FAR1: variants seen among roughly 807,000 people sequenced by gnomAD.
FAR1 encodes the protein fatty acyl-CoA reductase 1.
FAR1 carries 22 observed loss-of-function variants against 61.1 expected under a neutral mutation model. The ratio of observed to expected loss-of-function variants is 0.36; its 90% CI spans 0.26 to 0.51. The LOEUF (loss-of-function observed/expected upper bound fraction) is 0.51. Ranked by LOEUF, FAR1 falls within the 20% of genes least tolerant of loss-of-function variation. The probability of loss-of-function intolerance (pLI) is 0.95; values close to 1 mark genes in which losing one functional copy is unlikely to be tolerated. For missense variants in FAR1, 359 were observed against 626.9 expected (o/e 0.57, Z 4.56); for synonymous variants, 206 against 209.7 (o/e 0.98, Z 0.15).
At chr11:13,707,335 T>C (rs1477659269) in intron 3 of FAR1, among the ~76,000 whole-genome samples, 1 of 152,148 alleles carries the variant, frequency 6.6e-6, no homozygotes, top group Admixed American at 6.6e-5. Context: ...ATAATATCCC[T>C]TTGAATTTTG....
rs576072217 is a variant in FAR1, at chr11:13,715,373, G to A, written c.1127+693G>A. On this transcript the variant is annotated intron_variant, in intron 9 of 11. Transcript: ENST00000354817. ...TCCAAAATTCCATAATATAGGAAAT[G>A]TCCTACATCATGGTTGTCATTGTTA... 3.9e-5 allele frequency among the ~76,000 whole-genome samples: 6 copies of A among 152,238 alleles called. No homozygotes were observed. The East Asian group carries it at 9.7e-4, about 25-fold the overall frequency.
chr11:13,716,482 C>G (rs1000091819), intron 9 of FAR1, among the ~76,000 whole-genome samples: 3 of 152,124 alleles, frequency 2.0e-5, no homozygotes, highest in Non-Finnish European at 2.9e-5. Context: ...TGAAAGAGGC[C>G]GGTGGGCAGA....
chr11:13,700,588 A>C, intron 3 of FAR1, 96 bp downstream of exon 3: 1 of 725,826 alleles, frequency 1.4e-6, no homozygotes, highest in Non-Finnish European at 2.1e-6. Flanking sequence ...TTTGAATGTG[A>C]TTTGATACTA....
At chr11:13,726,692 T>A (rs1848669480) in intron 10 of FAR1, among the ~76,000 whole-genome samples, 1 of 151,786 alleles carries the variant, frequency 6.6e-6, no homozygotes, top group African/African-American at 2.4e-5. Flanking sequence ...TTGGAAAATT[T>A]CCAGGCATTG....
intron 1 of FAR1, among the ~76,000 whole-genome samples, chr11:13,689,816 G>A (rs1018066556): frequency 3.3e-5 from 5 of 151,760 alleles, no homozygotes; most frequent in Admixed American, 3.3e-4. Context: ...ATCACATAGG[G>A]GTTTTAACTT....
At chr11:13,708,871 T>A (rs1408902752) in intron 4 of FAR1, among the ~76,000 whole-genome samples, 3 of 152,176 alleles carry the variant, frequency 2.0e-5, no homozygotes, top group Non-Finnish European at 1.5e-5. Flanking sequence ...TGAGATCCTG[T>A]CAGCAATTGT....
intron 2 of FAR1, 62 bp downstream of exon 2, chr11:13,695,016 T>C: frequency 7.4e-7 from 1 of 1,353,986 alleles, no homozygotes; most frequent in Non-Finnish European, 9.9e-7. Context: ...TATATAATTA[T>C]TGTAGTCGTC....
chr11:13,706,219 C>T (rs1163321006), intron 3 of FAR1, among the ~76,000 whole-genome samples: 2 of 152,064 alleles, frequency 1.3e-5, no homozygotes, highest in African/African-American at 4.8e-5. Flanking sequence ...GATATTCCAT[C>T]ATGTTGACAT....
chr11:13,672,036 G>C (rs1169786201), intron 1 of FAR1, among the ~76,000 whole-genome samples: 1 of 152,186 alleles, frequency 6.6e-6, no homozygotes. Flanking sequence ...ATATAGCTGA[G>C]AGACTCAGAA....
At chr11:13,727,199 G>T (rs555215176) in intron 10 of FAR1, among the ~76,000 whole-genome samples, 1 of 152,070 alleles carries the variant, frequency 6.6e-6, no homozygotes, top group South Asian at 2.1e-4. Flanking sequence ...GTATCAGTAC[G>T]TGCATAAAGT....
chr11:13,717,917 A>G (rs1467436070), intron 9 of FAR1, among the ~76,000 whole-genome samples: 2 of 151,828 alleles, frequency 1.3e-5, no homozygotes, highest in African/African-American at 4.8e-5. Context: ...CTTTACATGT[A>G]ATCTGACATG....
chr11:13,689,010 G>C (rs879547515), intron 1 of FAR1, among the ~76,000 whole-genome samples: 7 of 152,038 alleles, frequency 4.6e-5, no homozygotes, highest in Non-Finnish European at 8.8e-5. Context: ...TCTCAAACCT[G>C]AAGTAGATTA....
chr11:13,680,546 G>C (rs1390915013), intron 1 of FAR1, among the ~76,000 whole-genome samples: 1 of 152,200 alleles, frequency 6.6e-6, no homozygotes, highest in African/African-American at 2.4e-5. Context: ...ATCTGCTTCT[G>C]ATGAGGGCCT....
chr11:13,700,434 G>A lies in FAR1; in HGVS notation c.307G>A (p.Asp103Asn). Residue 103 changes from aspartate to asparagine, a missense_variant, in exon 3 of 12, where the codon GAT becomes AAT. Coordinates refer to ENST00000354817, the MANE Select transcript of FAR1 (RefSeq NM_032228.6). ...TGAAGAAGATAAAGAGGTGATCATA[G>A]ATTCTACCAATATTATATTCCACTG... ...LSEEDKEVIIDSTNIIFHCAA... is the reference protein window; with the variant it reads ...LSEEDKEVIINSTNIIFHCAA... The A allele has an allele frequency of 1.3e-6, 2 of 1,590,904 alleles. No homozygotes were observed. Among genetic ancestry groups the A allele is most frequent in the Non-Finnish European group, 1.7e-6 (2 of 1,171,758 alleles).
chr11:13,696,648 C>A (rs975742847), intron 2 of FAR1, among the ~76,000 whole-genome samples: 2 of 149,804 alleles, frequency 1.3e-5, no homozygotes, highest in South Asian at 4.3e-4. Flanking sequence ...TTTGACTTAA[C>A]TTGATACTCC....
At chr11:13,720,935 A>G (rs1288024645) in intron 9 of FAR1, 5 of 152,086 alleles carry the variant, frequency 3.3e-5, no homozygotes, top group African/African-American at 1.2e-4. Flanking sequence ...TATGATATCA[A>G]TGACTTACAG....
At chr11:13,724,234 C>T (rs1041515127) in intron 10 of FAR1, among the ~76,000 whole-genome samples, 3 of 151,926 alleles carry the variant, frequency 2.0e-5, no homozygotes, top group Non-Finnish European at 4.4e-5. Flanking sequence ...TAGCACAACT[C>T]AGATTAATGT....
intron 7 of FAR1, among the ~76,000 whole-genome samples, chr11:13,712,525 A>G (rs11022943): frequency 0.032 from 4,877 of 152,090 alleles, 113 homozygotes; most frequent in Non-Finnish European, 0.047. Context: ...GTAGTAAACT[A>G]CCCTTATTTT....
intron 4 of FAR1, among the ~76,000 whole-genome samples, chr11:13,709,331 C>T (rs144325217): frequency 6.6e-6 from 1 of 151,844 alleles, no homozygotes. Context: ...CTTAGATGGT[C>T]CCAAATATCT....
Sources: gnomAD v4.1 joint callset for allele counts (sites outside exome capture counted in the v4.1 genomes callset) on GRCh38, gnomAD v4.1.1 for gene constraint, MANE v1.5 for transcripts, NCBI Gene and HGNC (gene_info 2026-07-23, HGNC 2026-07-21) for gene names.